CCDC6: variants seen among roughly 807,000 people sequenced by gnomAD.
CCDC6 encodes coiled-coil domain-containing protein 6.
A neutral mutation model predicts 56.6 loss-of-function variants in CCDC6; 20 were observed. That is an observed-to-expected ratio of 0.35 (90% CI 0.25 to 0.51). CCDC6 has a LOEUF of 0.51. Among genes scored for constraint, CCDC6 ranks in the 20% least tolerant of loss-of-function variants. The pLI is 0.95. For missense variants in CCDC6, 367 were observed against 601.1 expected (o/e 0.61, Z 4.07); for synonymous variants, 241 against 234.4 (o/e 1.03, Z -0.26).
At chr10:59,828,968 C>G (rs2070812086) in intron 3 of CCDC6, among the ~76,000 whole-genome samples, 1 of 152,176 alleles carries the variant, frequency 6.6e-6, no homozygotes, top group Non-Finnish European at 1.5e-5. Context: ...ACCAACAGAA[C>G]CATTTATAGC....
At chr10:59,877,428 T>C (rs1395083745) in intron 1 of CCDC6, among the ~76,000 whole-genome samples, 1 of 152,168 alleles carries the variant, frequency 6.6e-6, no homozygotes, top group African/African-American at 2.4e-5. Flanking sequence ...AAGGTTAGGA[T>C]GTAAATGCGA....
At chr10:59,865,592 G>A (rs1171788) in intron 1 of CCDC6, among the ~76,000 whole-genome samples, 76,230 of 151,922 alleles carry the variant, frequency 0.5, 20,140 homozygotes, top group African/African-American at 0.67. Context: ...GGTGGCTCAC[G>A]CCTGTAATCC....
chr10:59,846,526 A>G (rs1206078408), intron 2 of CCDC6, among the ~76,000 whole-genome samples: 1 of 152,224 alleles, frequency 6.6e-6, no homozygotes, highest in Non-Finnish European at 1.5e-5. Context: ...GTCAATAATA[A>G]TAAAAATAAG....
At chr10:59,814,510 AT>A (rs772797770) in intron 4 of CCDC6, 141 bp downstream of exon 4, 22 of 585,184 alleles carry the variant, frequency 3.8e-5, no homozygotes, top group South Asian at 7.2e-5. Context: ...GGCTTTCAAC[AT>A]TTTTTTTCCT....
At chr10:59,861,237 T>C (rs1589052724) in intron 1 of CCDC6, among the ~76,000 whole-genome samples, 1 of 151,908 alleles carries the variant, frequency 6.6e-6, no homozygotes, top group East Asian at 1.9e-4. Context: ...TGTGTGCTTG[T>C]AGTCCACTTA....
intron 2 of CCDC6, among the ~76,000 whole-genome samples, chr10:59,839,338 T>C (rs978518504): frequency 1.6e-4 from 25 of 152,214 alleles, no homozygotes; most frequent in Admixed American, 1.1e-3. Context: ...GTGACTAGGA[T>C]TTCCTTGATC....
At chr10:59,854,510 C>T (rs1229284284) in intron 1 of CCDC6, among the ~76,000 whole-genome samples, 5 of 152,152 alleles carry the variant, frequency 3.3e-5, no homozygotes, top group African/African-American at 1.2e-4. Flanking sequence ...AGACAAAATC[C>T]TTCAGCTAAT....
At chr10:59,871,327 C>G (rs1397930317) in intron 1 of CCDC6, among the ~76,000 whole-genome samples, 1 of 151,904 alleles carries the variant, frequency 6.6e-6, no homozygotes, top group Non-Finnish European at 1.5e-5. Flanking sequence ...ATATACGAAG[C>G]ACTCAAGTAC....
At position 59,792,659 on chromosome 10, in the gene CCDC6, C is replaced by T. The variant is rs761476747; in HGVS notation, c.*258G>A. The T allele has an allele frequency of 1.8e-5, 13 of 729,544 alleles. No homozygotes were observed. Among genetic ancestry groups the T allele is most frequent in the East Asian group, 5.2e-5 (2 of 38,168 alleles). The allele number at this position is 729,544 out of a possible 1,614,324, so 45.2% of individuals were successfully genotyped here. A position where few individuals can be genotyped will look rare whatever the true frequency, so the allele number is the denominator to read the frequency against. ...TGCTGAAATACCAAATACCAAACAG[C>T]GAAGGTTCCAGCCAGGGAATGGACG... is the stretch of plus-strand genomic sequence containing the variant. On this transcript the variant is annotated 3_prime_UTR_variant, in exon 9 of 9. Coordinates refer to ENST00000263102, the MANE Select transcript of CCDC6 (RefSeq NM_005436.5).
intron 3 of CCDC6, among the ~76,000 whole-genome samples, chr10:59,822,684 G>A (rs1037223831): frequency 5.9e-5 from 9 of 152,042 alleles, no homozygotes; most frequent in South Asian, 2.1e-4. Flanking sequence ...TGCTTGAACC[G>A]AGGAATTTGA....
chr10:59,829,688 T>C (rs1000664105), intron 3 of CCDC6, among the ~76,000 whole-genome samples: 4 of 152,178 alleles, frequency 2.6e-5, no homozygotes, highest in African/African-American at 9.7e-5. Context: ...TCTATTTACA[T>C]GAAATGTCCA....
intron 1 of CCDC6, among the ~76,000 whole-genome samples, chr10:59,895,325 G>C (rs1167874635): frequency 1.3e-5 from 2 of 152,092 alleles, no homozygotes; most frequent in Non-Finnish European, 2.9e-5. Flanking sequence ...CAAACAAAAA[G>C]GCCTGTCCCT....
At chr10:59,837,019 C>A (rs1014009482) in intron 2 of CCDC6, among the ~76,000 whole-genome samples, 1 of 152,216 alleles carries the variant, frequency 6.6e-6, no homozygotes, top group Non-Finnish European at 1.5e-5. Context: ...AAACTTCCAG[C>A]CCAATGAAAT....
At chr10:59,859,548 T>C (rs1175230641) in intron 1 of CCDC6, among the ~76,000 whole-genome samples, 1 of 152,168 alleles carries the variant, frequency 6.6e-6, no homozygotes, top group Non-Finnish European at 1.5e-5. Flanking sequence ...GGTTTTCCAT[T>C]TCAATAGCAA....
At chr10:59,815,645 A>G (rs1425047517) in intron 3 of CCDC6, among the ~76,000 whole-genome samples, 1 of 152,214 alleles carries the variant, frequency 6.6e-6, no homozygotes, top group East Asian at 1.9e-4. Flanking sequence ...AGTAGAGGAC[A>G]TGTATTCTAT....
intron 1 of CCDC6, among the ~76,000 whole-genome samples, chr10:59,900,328 A>G (rs1213972997): frequency 6.6e-6 from 1 of 152,166 alleles, no homozygotes; most frequent in Admixed American, 6.5e-5. Flanking sequence ...CAGGTGGAGA[A>G]GGCAGTACAG....
rs774599281 is a variant in CCDC6, at chr10:59,789,837, G to A, written c.*3080C>T. 8.7e-5 allele frequency: 19 copies of A among 218,448 alleles called. No individual in the cohort carries two copies. Among genetic ancestry groups the A allele is most frequent in the Non-Finnish European group, 1.7e-4 (18 of 108,584 alleles). The allele number at this position is 218,448 out of a possible 1,614,324, so 13.5% of individuals were successfully genotyped here. ...GTCTACCTAACAAAGGGTGATACAT[G>A]TTCTATTTTCCTACAAGTGAACAAT... On this transcript the variant is annotated 3_prime_UTR_variant, in exon 9 of 9. Transcript: ENST00000263102.
At chr10:59,797,476 C>G (rs373929616) in intron 7 of CCDC6, among the ~76,000 whole-genome samples, 2 of 149,054 alleles carry the variant, frequency 1.3e-5, no homozygotes, top group East Asian at 4.0e-4. Flanking sequence ...TGGAGAAAAT[C>G]GAGCAAAGGA....
intron 1 of CCDC6, among the ~76,000 whole-genome samples, chr10:59,877,633 A>G (rs72811515): frequency 4.6e-5 from 7 of 152,238 alleles, no homozygotes; most frequent in African/African-American, 1.2e-4. Flanking sequence ...AGGAGCCAGC[A>G]CTGTCTAAAT....
Sources: allele counts gnomAD v4.1 joint callset (sites outside exome capture counted in the v4.1 genomes callset), GRCh38; gene constraint gnomAD v4.1.1; transcripts MANE v1.5; gene names NCBI Gene and HGNC (gene_info 2026-07-23, HGNC 2026-07-21).